SLIT2: variants seen among roughly 807,000 people sequenced by gnomAD.
SLIT2 encodes slit guidance ligand 2.
A neutral mutation model predicts 185.7 loss-of-function variants in SLIT2; 41 were observed. That is an observed-to-expected ratio of 0.22 (90% CI 0.17 to 0.29). The LOEUF is 0.29. Among genes scored for constraint, SLIT2 ranks in the 10% least tolerant of loss-of-function variants. The pLI, the probability that SLIT2 is intolerant of heterozygous loss-of-function variation, is 1.00. For synonymous variants in SLIT2, 693 were observed against 680.2 expected (o/e 1.02, Z -0.29); for missense variants, 1,571 against 1,909.0 (o/e 0.82, Z 3.30).
chr4:20,256,704 C>T lies in SLIT2; in HGVS notation c.212C>T (p.Thr71Met), dbSNP rs1257940389. 3.2e-6 allele frequency: 5 copies of T among 1,573,248 alleles called. No individual in the cohort carries two copies. Among genetic ancestry groups the T allele is most frequent in the Non-Finnish European group, 4.3e-6 (5 of 1,150,532 alleles). Residue 71 changes from threonine to methionine, a missense_variant, in exon 2 of 37, where the codon ACG becomes ATG. This residue lies in a region of SLIT2 where 1,202 missense variants were observed against 1,416.4 expected (regional missense o/e 0.85). Coordinates refer to ENST00000504154, the MANE Select transcript of SLIT2 (RefSeq NM_004787.4). ...AATGGAAATAACATCACAAGAATTA[C>T]GAAGACAGATTTTGCTGGTCTTAGA... The part of the protein sequence containing the change: ...DLNGNNITRI[T>M]KTDFAGLRHL...
chr4:20,468,596 A>G (rs17611297), intron 5 of SLIT2, among the ~76,000 whole-genome samples: 4,992 of 152,214 alleles, frequency 0.033, 115 homozygotes, highest in Non-Finnish European at 0.05. Context: ...AGTGACAATC[A>G]TAATATCAAT....
intron 34 of SLIT2, among the ~76,000 whole-genome samples, chr4:20,614,676 C>G (rs1368143678): frequency 4.6e-5 from 7 of 151,332 alleles, no homozygotes; most frequent in African/African-American, 1.5e-4. Context: ...TCTCGGGAGG[C>G]TGAAGCAGGA....
intron 29 of SLIT2, among the ~76,000 whole-genome samples, chr4:20,587,510 C>T (rs1196868522): frequency 1.3e-5 from 2 of 152,142 alleles, no homozygotes; most frequent in African/African-American, 4.8e-5. Context: ...AATCTTAAAG[C>T]TGTTGATTAG....
At chr4:20,595,142 A>C (rs888065879) in intron 30 of SLIT2, among the ~76,000 whole-genome samples, 2 of 152,220 alleles carry the variant, frequency 1.3e-5, no homozygotes, top group South Asian at 4.1e-4. Context: ...CCGTTCTTCT[A>C]TAATGAGTAT....
At chr4:20,475,468 G>T (rs1303920153) in intron 5 of SLIT2, among the ~76,000 whole-genome samples, 1 of 151,968 alleles carries the variant, frequency 6.6e-6, no homozygotes, top group African/African-American at 2.4e-5. Flanking sequence ...AAAAGTTCCT[G>T]AGTCTTTTTC....
intron 5 of SLIT2, among the ~76,000 whole-genome samples, chr4:20,472,248 A>ATATATATCTATATATAGATATGTATC (rs1450139711): frequency 2.6e-5 from 1 of 38,704 alleles, no homozygotes; most frequent in Non-Finnish European, 4.6e-5. Context: ...CTATATATCT[A>ATATATATCTATATATAGATATGTATC]TATATAGATC....
At chr4:20,412,353 CTT>C (rs1186217724) in intron 4 of SLIT2, among the ~76,000 whole-genome samples, 2 of 152,078 alleles carry the variant, frequency 1.3e-5, no homozygotes, top group African/African-American at 2.4e-5. Flanking sequence ...GATTTATTCT[CTT>C]AACTCATTAA....
chr4:20,478,921 A>C (rs1342122693), intron 5 of SLIT2, among the ~76,000 whole-genome samples: 2 of 152,194 alleles, frequency 1.3e-5, no homozygotes, highest in African/African-American at 2.4e-5. Flanking sequence ...GTTTTCTTGG[A>C]ACCACAGCAG....
chr4:20,509,370 A>T (rs77743116), intron 9 of SLIT2, among the ~76,000 whole-genome samples: 14,726 of 152,028 alleles, frequency 0.097, 1,475 homozygotes, highest in African/African-American at 0.25. Context: ...GGACAGAAGA[A>T]GCTGGTATTT....
intron 4 of SLIT2, among the ~76,000 whole-genome samples, chr4:20,428,740 G>T (rs941934798): frequency 1.3e-5 from 2 of 152,050 alleles, no homozygotes; most frequent in East Asian, 3.9e-4. Context: ...ATTCTGCATC[G>T]TTTTTTCCAT....
intron 4 of SLIT2, among the ~76,000 whole-genome samples, chr4:20,307,388 A>G (rs1400324315): frequency 6.6e-6 from 1 of 151,074 alleles, no homozygotes; most frequent in East Asian, 2.0e-4. Context: ...TCAGCCTCCC[A>G]CGTGGCTGAC....
At chr4:20,533,472 T>A (rs1274085963) in intron 17 of SLIT2, 100 bp from the exon 18 acceptor site, 1 of 849,086 alleles carries the variant, frequency 1.2e-6, no homozygotes, top group African/African-American at 1.7e-5. Context: ...CAGTGAAAAG[T>A]TGGAAAACTT....
At chr4:20,434,353 G>A (rs944320298) in intron 4 of SLIT2, among the ~76,000 whole-genome samples, 1 of 152,140 alleles carries the variant, frequency 6.6e-6, no homozygotes. Flanking sequence ...GGGCGTGGTG[G>A]CGCATGCCTG....
At chr4:20,457,264 A>G (rs1304259284) in intron 4 of SLIT2, among the ~76,000 whole-genome samples, 2 of 152,038 alleles carry the variant, frequency 1.3e-5, no homozygotes, top group Non-Finnish European at 2.9e-5. Context: ...AAGGCAGCTA[A>G]TGATTACAAT....
chr4:20,321,979 G>C (rs1355651437), intron 4 of SLIT2, among the ~76,000 whole-genome samples: 6 of 138,830 alleles, frequency 4.3e-5, no homozygotes, highest in Admixed American at 4.1e-4. Context: ...ATAAGAATCT[G>C]GAGGGGTGGG....
intron 4 of SLIT2, among the ~76,000 whole-genome samples, chr4:20,401,222 A>G (rs1415445676): frequency 6.6e-6 from 1 of 151,888 alleles, no homozygotes; most frequent in African/African-American, 2.4e-5. Flanking sequence ...TCATGTCTCA[A>G]TCACCACAAG....
At chr4:20,530,249 A>G (rs1160272849) in intron 16 of SLIT2, among the ~76,000 whole-genome samples, 1 of 152,052 alleles carries the variant, frequency 6.6e-6, no homozygotes, top group African/African-American at 2.4e-5. Context: ...ACTACAAACA[A>G]GTGATACCTT....
At chr4:20,416,276 G>A (rs532588569) in intron 4 of SLIT2, among the ~76,000 whole-genome samples, 2 of 152,240 alleles carry the variant, frequency 1.3e-5, no homozygotes, top group African/African-American at 4.8e-5. Context: ...GTTTGACATC[G>A]GGTTCCTGAC....
At chr4:20,535,555 G>C (rs1003677586) in intron 18 of SLIT2, among the ~76,000 whole-genome samples, 1 of 152,040 alleles carries the variant, frequency 6.6e-6, no homozygotes, top group Non-Finnish European at 1.5e-5. Flanking sequence ...TCTTCAGGCG[G>C]CCATAATGAG....
Sources: allele counts gnomAD v4.1 joint callset (sites outside exome capture counted in the v4.1 genomes callset), GRCh38; gene constraint gnomAD v4.1.1; regional missense constraint gnomAD v4.1.1; transcripts MANE v1.5; gene names NCBI Gene and HGNC (gene_info 2026-07-23, HGNC 2026-07-21).